Variants in TRANK1 observed in about 807,000 individuals in gnomAD.
TRANK1 encodes tetratricopeptide repeat and ankyrin repeat containing 1.
A neutral mutation model predicts 266.0 loss-of-function variants in TRANK1; 198 were observed. The ratio of observed to expected loss-of-function variants is 0.74; its 90% CI spans 0.66 to 0.84. TRANK1 has a LOEUF of 0.84. Among genes scored for constraint, TRANK1 ranks in the 40% least tolerant of loss-of-function variants. The pLI is 0.00. For missense variants in TRANK1, 3,326 were observed against 3,634.6 expected (o/e 0.92, Z 2.18); for synonymous variants, 1,396 against 1,384.1 (o/e 1.01, Z -0.19).
intron 9 of TRANK1, among the ~76,000 whole-genome samples, chr3:36,865,534 A>G (rs1575224742): frequency 1.3e-5 from 2 of 152,266 alleles, no homozygotes; most frequent in African/African-American, 2.4e-5. Flanking sequence ...AGGGAAGGCA[A>G]TATCTTTTTC....
chr3:36,904,142 G>A (rs2079925998), intron 2 of TRANK1, among the ~76,000 whole-genome samples: 1 of 151,840 alleles, frequency 6.6e-6, no homozygotes, highest in Admixed American at 6.6e-5. Flanking sequence ...TTCTAGTAGA[G>A]ATGGGGTTTC....
chr3:36,926,113 G>A (rs1205980389), intron 1 of TRANK1, among the ~76,000 whole-genome samples: 1 of 152,140 alleles, frequency 6.6e-6, no homozygotes, highest in East Asian at 1.9e-4. Flanking sequence ...CAACAACAAT[G>A]TGCTGAGGTA....
At chr3:36,854,232 C>T (rs529291048) in intron 13 of TRANK1, among the ~76,000 whole-genome samples, 2 of 152,030 alleles carry the variant, frequency 1.3e-5, no homozygotes, top group African/African-American at 2.4e-5. Context: ...TGGTGGCAGG[C>T]GCCTGTAGTC....
At chr3:36,918,795 G>T (rs186547154) in intron 1 of TRANK1, among the ~76,000 whole-genome samples, 70 of 152,228 alleles carry the variant, frequency 4.6e-4, no homozygotes, top group African/African-American at 1.5e-3. Context: ...ATACCCAAAA[G>T]ATGGCAGGAT....
rs989520617 is a variant in TRANK1, at chr3:36,892,243, G to A, written c.734C>T (p.Pro245Leu). Reference sequence around the variant, plus strand: ...TCGCATGAGGGCATGAAGGGGATACGGTCCTATAGTCTCAACACTTGCACC... The same window carrying A: ...TCGCATGAGGGCATGAAGGGGATACAGTCCTATAGTCTCAACACTTGCACC... ...SIGASVETIG[P>L]YPLHALMRLC... Residue 245 changes from proline (P) to leucine (L), a missense_variant, in exon 7 of 24, where the codon CCG becomes CTG. Coordinates refer to ENST00000645898, the MANE Select transcript of TRANK1 (RefSeq NM_001329998.2). The A allele has an allele frequency of 1.0e-5, 16 of 1,536,960 alleles. No individual in the cohort carries two copies. The highest frequency in any genetic ancestry group is 1.4e-5 in the African/African-American group (1 of 72,988).
intron 4 of TRANK1, 60 bp from the exon 5 acceptor site, chr3:36,895,818 A>G: frequency 1.8e-6 from 2 of 1,140,176 alleles, no homozygotes; most frequent in South Asian, 3.0e-5. Context: ...AGCATTTGGG[A>G]AAAGGTCCTC....
chr3:36,945,625 C>A (rs1422404180), upstream of TRANK1, among the ~76,000 whole-genome samples: 1 of 152,142 alleles, frequency 6.6e-6, no homozygotes, highest in Non-Finnish European at 1.5e-5. Context: ...TTCCACCTCC[C>A]CAGTGATGAT....
chr3:36,895,273 A>T (rs1439517738), intron 5 of TRANK1, among the ~76,000 whole-genome samples: 1 of 152,182 alleles, frequency 6.6e-6, no homozygotes, highest in East Asian at 1.9e-4. Flanking sequence ...ACCACATGGG[A>T]ACCCTTGTGA....
intron 21 of TRANK1, 135 bp downstream of exon 21, chr3:36,834,627 C>A (rs927933151): frequency 1.0e-6 from 1 of 964,546 alleles, no homozygotes. Context: ...AGCACTGAGG[C>A]CATCGCTTAA....
intron 5 of TRANK1, among the ~76,000 whole-genome samples, chr3:36,893,363 CCAAT>C (rs1421380124): frequency 1.3e-5 from 2 of 152,122 alleles, no homozygotes; most frequent in South Asian, 2.1e-4. Context: ...ATATCCCATC[CCAAT>C]CAATTATTCC....
intron 1 of TRANK1, among the ~76,000 whole-genome samples, chr3:36,934,269 G>T (rs2080395596): frequency 6.6e-6 from 1 of 152,182 alleles, no homozygotes; most frequent in African/African-American, 2.4e-5. Context: ...CCTACCCTGA[G>T]AAGAAGCCAA....
chr3:36,899,040 T>C, intron 4 of TRANK1, 69 bp downstream of exon 4: 1 of 1,486,640 alleles, frequency 6.7e-7, no homozygotes, highest in South Asian at 1.2e-5. Flanking sequence ...CCCATGAGCC[T>C]GAGTCCCCAG....
chr3:36,832,245 G>A lies in TRANK1; in HGVS notation c.7338C>T (p.Ile2446=). 6.2e-7 allele frequency: 1 copy of A among 1,614,018 alleles called. No individual in the cohort carries two copies. The highest frequency in any genetic ancestry group is 1.1e-5 in the South Asian group (1 of 91,080). Residue 2446 remains isoleucine, a synonymous_variant, in exon 22 of 24, where the codon ATC becomes ATT. Transcript: ENST00000645898. The part of the protein sequence containing the change: ...VLIKRCKEPL[I]PSIGNTVALL... ...GGGCTACTGTGTTTCCAATGCTGGG[G>A]ATGAGTGGTTCTTTGCACCTCTTGA... is the stretch of plus-strand genomic sequence containing the variant.
intron 1 of TRANK1, among the ~76,000 whole-genome samples, chr3:36,922,548 T>G (rs1332947317): frequency 6.6e-6 from 1 of 152,044 alleles, no homozygotes; most frequent in Admixed American, 6.6e-5. Flanking sequence ...GAGGTTGCAG[T>G]GAGCCGAGAT....
chr3:36,836,673 G>A (rs904331857), intron 20 of TRANK1, among the ~76,000 whole-genome samples: 12 of 152,212 alleles, frequency 7.9e-5, no homozygotes, highest in African/African-American at 2.7e-4. Flanking sequence ...GGCTTGCCAT[G>A]AACAGAAGAG....
intron 17 of TRANK1, among the ~76,000 whole-genome samples, chr3:36,845,948 CA>C (rs1254353637): frequency 5.9e-5 from 9 of 152,164 alleles, no homozygotes; most frequent in Non-Finnish European, 1.3e-4. Flanking sequence ...ATCAGCTGTA[CA>C]AACACTCATA....
intron 1 of TRANK1, among the ~76,000 whole-genome samples, chr3:36,938,074 G>C (rs953407986): frequency 6.6e-6 from 1 of 152,190 alleles, no homozygotes; most frequent in Admixed American, 6.5e-5. Flanking sequence ...GTTCACTGCT[G>C]CATGGGGAGG....
chr3:36,856,088 G>A lies in TRANK1; in HGVS notation c.3634C>T (p.Leu1212Phe). 1 of 1,613,846 alleles carries A rather than the reference G, an allele frequency of 6.2e-7. No individual in the cohort carries two copies. Among genetic ancestry groups the A allele is most frequent in the Non-Finnish European group, 8.5e-7 (1 of 1,179,872 alleles). Residue 1212 changes from leucine (L) to phenylalanine (F), a missense_variant, in exon 13 of 24, where the codon CTT becomes TTT. By Grantham distance (22) the Leu-to-Phe change is conservative (BLOSUM62 0). Coordinates refer to ENST00000645898, the MANE Select transcript of TRANK1 (RefSeq NM_001329998.2). ...CTAGTGGCCTTGGTGGACTTGGAAA[G>A]CTCAATGAAATTCCTTTGTACCTCC... ...CQEVQRNFIE[L>F]SKSTKATSHY... is the part of the protein sequence containing the mutation.
intron 1 of TRANK1, among the ~76,000 whole-genome samples, chr3:36,924,001 C>T (rs115116272): frequency 6.6e-5 from 10 of 152,318 alleles, no homozygotes; most frequent in African/African-American, 1.7e-4. Context: ...AATTCACACA[C>T]GTTTGGGGTA....
Sources: gnomAD v4.1 joint callset for allele counts (sites outside exome capture counted in the v4.1 genomes callset) on GRCh38, gnomAD v4.1.1 for gene constraint, MANE v1.5 for transcripts, NCBI Gene and HGNC (gene_info 2026-07-23, HGNC 2026-07-21) for gene names.